Variants in LAMB1 observed in about 807,000 individuals in gnomAD.
The protein encoded by LAMB1 is laminin subunit beta-1.
LAMB1 carries 121 observed loss-of-function variants against 222.3 expected under a neutral mutation model. The observed-to-expected ratio is 0.54, with a 90% confidence interval of 0.47 to 0.63. The LOEUF (loss-of-function observed/expected upper bound fraction) is 0.63. Among genes scored for constraint, LAMB1 ranks in the 30% least tolerant of loss-of-function variants. The pLI is 0.00. For synonymous variants in LAMB1, 794 were observed against 807.2 expected, an observed-to-expected ratio of 0.98 and a Z score of 0.28; for missense variants, 2,172 against 2,240.8, an observed-to-expected ratio of 0.97 and a Z score of 0.62.
intron 27 of LAMB1, among the ~76,000 whole-genome samples, chr7:107,934,846 G>A (rs1015550743): frequency 7.1e-6 from 1 of 140,238 alleles, no homozygotes; most frequent in Non-Finnish European, 1.5e-5. Context: ...TGGGAAGATC[G>A]CTTCAGCCTA....
chr7:107,994,159 C>T (rs2034238112), intron 5 of LAMB1, among the ~76,000 whole-genome samples: 1 of 152,162 alleles, frequency 6.6e-6, no homozygotes, highest in Non-Finnish European at 1.5e-5. Context: ...TTTCTGTGAG[C>T]CAATGTGTAC....
intron 27 of LAMB1, 39 bp from the exon 28 acceptor site, chr7:107,932,416 G>A: frequency 1.2e-6 from 2 of 1,602,104 alleles, no homozygotes; most frequent in Non-Finnish European, 1.7e-6. Context: ...ACTTCGGATA[G>A]TGAATCTGCT....
intron 30 of LAMB1, 83 bp downstream of exon 30, chr7:107,929,329 G>T: frequency 6.7e-7 from 1 of 1,503,460 alleles, no homozygotes; most frequent in Non-Finnish European, 9.2e-7. Context: ...GTCCTTCTTA[G>T]AAGTTTCATT....
Position 107,961,625 on chromosome 7 carries a change from T to C in LAMB1, c.1909A>G (p.Ile637Val). ...TTACCACATCGGCTGCTGGTTGGAA[T>C]CCTTCCAGGTCGCTGCACTGTGATG... ...AVITVQRPGR[I>V]PTSSRCGNTI... The change falls in exon 16 of 34, where the codon ATT becomes GTT. Residue 637 changes from isoleucine to valine, a missense_variant. Physicochemically the swap from Ile to Val is conservative, Grantham distance 29 (BLOSUM62 3). Coordinates refer to ENST00000222399, the MANE Select transcript of LAMB1 (RefSeq NM_002291.3). 6.2e-7 allele frequency: 1 copy of C among 1,614,154 alleles called. No individual in the cohort carries two copies. The highest frequency in any genetic ancestry group is 8.5e-7 in the Non-Finnish European group (1 of 1,179,992).
At chr7:107,970,566 G>A (rs2033728663) in intron 13 of LAMB1, among the ~76,000 whole-genome samples, 1 of 149,188 alleles carries the variant, frequency 6.7e-6, no homozygotes, top group Non-Finnish European at 1.5e-5. Context: ...AAATAATCTT[G>A]AAGGATGCTG....
In LAMB1 at chr7:107,932,229, TCCATGGCTTTCTG is replaced by T; in HGVS notation, c.4324_4336del (p.Gln1442ThrfsTer7). ...GGCACTCAGGACATCTTGGTCCAAGTCCATGGCTTTCTGCCAGGCGTTGTGTGCAACAGTAACC... is the reference window on the plus strand; with the variant it reads ...GGCACTCAGGACATCTTGGTCCAAGTCCAGGCGTTGTGTGCAACAGTAACC... On this transcript the variant is annotated frameshift_variant, in exon 28 of 34. Coordinates refer to ENST00000222399, the MANE Select transcript of LAMB1 (RefSeq NM_002291.3). LOFTEE classifies it high-confidence loss of function. 6.2e-7 allele frequency: 1 copy of T among 1,614,232 alleles called. No individual in the cohort carries two copies. The highest frequency in any genetic ancestry group is 8.5e-7 in the Non-Finnish European group (1 of 1,180,036).
intron 14 of LAMB1, 136 bp downstream of exon 14, chr7:107,964,416 A>G (rs2033582184): frequency 3.0e-6 from 3 of 1,008,716 alleles, no homozygotes; most frequent in Non-Finnish European, 3.0e-6. Context: ...TCAGGAAGGC[A>G]TGGTCCTGAT....
chr7:107,986,584 C>G (rs761180444), intron 5 of LAMB1, among the ~76,000 whole-genome samples: 3 of 152,184 alleles, frequency 2.0e-5, no homozygotes, highest in Non-Finnish European at 4.4e-5. Flanking sequence ...TTTCCCCACC[C>G]TACTGGATAA....
intron 13 of LAMB1, among the ~76,000 whole-genome samples, 183 bp from the exon 14 acceptor site, chr7:107,964,870 G>A (rs929328918): frequency 6.6e-5 from 10 of 152,214 alleles, no homozygotes; most frequent in African/African-American, 1.7e-4. Context: ...AACTCCAGAA[G>A]CGTGGCTGAG....
chr7:107,945,671 G>A (rs1272973451), intron 24 of LAMB1, among the ~76,000 whole-genome samples: 1 of 152,218 alleles, frequency 6.6e-6, no homozygotes, highest in Non-Finnish European at 1.5e-5. Context: ...CTCACTTTGG[G>A]CAAGTCCCTT....
chr7:107,981,830 G>T (rs2033979465), intron 7 of LAMB1, among the ~76,000 whole-genome samples: 1 of 152,180 alleles, frequency 6.6e-6, no homozygotes, highest in South Asian at 2.1e-4. Flanking sequence ...GGGAAAATTT[G>T]AAATTTCCCA....
intron 2 of LAMB1, chr7:108,002,289 G>A (rs2034406368): frequency 7.6e-7 from 1 of 1,317,250 alleles, no homozygotes; most frequent in Non-Finnish European, 1.0e-6. Flanking sequence ...GGTGGACGCC[G>A]CTTTCCGGAG....
At chr7:108,002,825 C>T in intron 2 of LAMB1, 24 bp downstream of exon 2, 2 of 1,614,096 alleles carry the variant, frequency 1.2e-6, no homozygotes, top group Non-Finnish European at 1.7e-6. Flanking sequence ...CGTCCGCCTC[C>T]CCGCACCGTT....
At chr7:107,995,074 C>CGCAT in intron 4 of LAMB1, 114 bp from the exon 5 acceptor site, 1 of 601,704 alleles carries the variant, frequency 1.7e-6, no homozygotes, top group South Asian at 2.2e-5. Flanking sequence ...AAATTATCCT[C>CGCAT]GCATTCTACC....
intron 24 of LAMB1, among the ~76,000 whole-genome samples, chr7:107,947,681 ACT>A (rs2033146657): frequency 6.6e-6 from 1 of 151,588 alleles, no homozygotes; most frequent in South Asian, 2.1e-4. Flanking sequence ...ATCAATTCTC[ACT>A]CTCTCTGGGT....
chr7:107,992,341 A>G (rs1224515267), intron 5 of LAMB1, among the ~76,000 whole-genome samples: 1 of 152,206 alleles, frequency 6.6e-6, no homozygotes, highest in African/African-American at 2.4e-5. Context: ...ACATACTGTA[A>G]GTTATTTGCA....
At chr7:107,929,723 C>T in intron 29 of LAMB1, 104 bp from the exon 30 acceptor site, 1 of 887,834 alleles carries the variant, frequency 1.1e-6, no homozygotes, top group Non-Finnish European at 1.8e-6. Flanking sequence ...GGTGGGGTTA[C>T]ACACCAAGAG....
rs748813076 is a variant in LAMB1 at position 107,960,615 on chromosome 7, A to C, written c.2144T>G (p.Ile715Ser). ...ATCTCCTGAACCTCCCACGGTGAAG[A>C]TGTCCAGTGATTTACAGTATGGCAT... The part of the protein sequence containing the change: ...VLMPYCKSLD[I>S]FTVGGSGDGV... The change falls in exon 18 of 34, where the codon ATC becomes AGC. Residue 715 changes from isoleucine (I) to serine (S), a missense_variant. Physicochemically the swap from Ile to Ser is moderately radical, Grantham distance 142. Transcript: ENST00000222399. The C allele has an allele frequency of 6.2e-7, 1 of 1,614,242 alleles. No homozygotes were observed. The highest frequency in any genetic ancestry group is 1.1e-5 in the South Asian group (1 of 91,092).
intron 31 of LAMB1, among the ~76,000 whole-genome samples, chr7:107,928,779 C>T (rs1472218159): frequency 6.6e-6 from 1 of 152,216 alleles, no homozygotes. Context: ...AGGCGTGAGC[C>T]ACCATGCCCG....
Sources: allele counts gnomAD v4.1 joint callset (sites outside exome capture counted in the v4.1 genomes callset), GRCh38; gene constraint gnomAD v4.1.1; transcripts MANE v1.5; gene names NCBI Gene and HGNC (gene_info 2026-07-23, HGNC 2026-07-21).